The following CDH11 variants were observed in gnomAD, a reference collection of about 807,000 sequenced individuals.
CDH11 encodes the protein cadherin-11.
A neutral mutation model predicts 67.8 loss-of-function variants in CDH11; 11 were observed. The observed-to-expected ratio is 0.16, with a 90% confidence interval of 0.10 to 0.27. CDH11 has a LOEUF of 0.27. Among genes scored for constraint, CDH11 ranks in the 10% least tolerant of loss-of-function variants. CDH11 has a pLI of 1.00. For missense variants in CDH11, 847 were observed against 1,031.2 expected, an observed-to-expected ratio of 0.82 and a Z score of 2.45; for synonymous variants, 419 against 400.0, an observed-to-expected ratio of 1.05 and a Z score of -0.57.
intron 1 of CDH11, among the ~76,000 whole-genome samples, chr16:65,119,467 TAAG>T (rs1413820067): frequency 6.6e-6 from 1 of 152,198 alleles, no homozygotes; most frequent in Non-Finnish European, 1.5e-5. Context: ...GGTGTTCTGA[TAAG>T]AATGCTGAAC....
At chr16:65,005,206 G>A (rs1433573777) in intron 2 of CDH11, among the ~76,000 whole-genome samples, 165 bp from the exon 3 acceptor site, 5 of 152,136 alleles carry the variant, frequency 3.3e-5, no homozygotes, top group Non-Finnish European at 7.3e-5. Flanking sequence ...TTATGAAGTG[G>A]GGATAAGAGT....
At chr16:65,023,030 A>C (rs1233927563) in intron 2 of CDH11, among the ~76,000 whole-genome samples, 2 of 152,200 alleles carry the variant, frequency 1.3e-5, no homozygotes, top group Non-Finnish European at 2.9e-5. Context: ...ATAAGCATGC[A>C]TTTGGGCATT....
At chr16:64,953,858 T>C (rs920437847) in intron 11 of CDH11, among the ~76,000 whole-genome samples, 1 of 152,216 alleles carries the variant, frequency 6.6e-6, no homozygotes, top group African/African-American at 2.4e-5. Context: ...GAAAACTCTT[T>C]GATATGGGTG....
intron 3 of CDH11, among the ~76,000 whole-genome samples, chr16:65,000,347 G>T (rs574304189): frequency 1.3e-4 from 20 of 152,096 alleles, no homozygotes; most frequent in African/African-American, 4.8e-4. Flanking sequence ...CGAGTTCCTT[G>T]GTCCTCATTC....
At chr16:65,046,830 G>A (rs2073969007) in intron 2 of CDH11, among the ~76,000 whole-genome samples, 1 of 152,168 alleles carries the variant, frequency 6.6e-6, no homozygotes, top group African/African-American at 2.4e-5. Flanking sequence ...TAAGGTGGCT[G>A]GGCGCGGTGA....
chr16:65,013,532 T>C (rs76695749), intron 2 of CDH11, among the ~76,000 whole-genome samples: 147 of 152,108 alleles, frequency 9.7e-4, no homozygotes, highest in Middle Eastern at 3.4e-3. Flanking sequence ...CTGTTAAAAA[T>C]GGGAAAAACC....
chr16:65,007,746 C>T (rs2142537715), intron 2 of CDH11, among the ~76,000 whole-genome samples: 1 of 152,284 alleles, frequency 6.6e-6, no homozygotes, highest in African/African-American at 2.4e-5. Flanking sequence ...TTTCAGTGAG[C>T]TAGTGAGGGG....
rs1567506882 is a variant in CDH11, at chr16:64,982,161, G to A, written c.1140C>T (p.Pro380=). 4 of 1,614,052 alleles carry A rather than the reference G, an allele frequency of 2.5e-6. No individual in the cohort carries two copies. The highest frequency in any genetic ancestry group is 1.3e-5 in the African/African-American group (1 of 75,010). Residue 380 remains proline, a synonymous_variant, in exon 8 of 13, where the codon CCC becomes CCT. Transcript: ENST00000268603. ...VKISVEDADE[P]PMFLAPSYIH... Reference sequence around the variant, plus strand: ...TGTAACTTGGGGCCAAGAACATAGGGGGCTCATCAGCATCTTCTACTGAGA... The same window carrying A: ...TGTAACTTGGGGCCAAGAACATAGGAGGCTCATCAGCATCTTCTACTGAGA...
intron 1 of CDH11, among the ~76,000 whole-genome samples, chr16:65,087,137 T>C (rs2074715402): frequency 6.6e-6 from 1 of 152,102 alleles, no homozygotes; most frequent in Non-Finnish European, 1.5e-5. Context: ...TAGTAGGTAA[T>C]CAGAACTATT....
intron 1 of CDH11, among the ~76,000 whole-genome samples, chr16:65,108,684 T>TTA (rs1555529338): frequency 0.032 from 4,807 of 150,346 alleles, 102 homozygotes; most frequent in Non-Finnish European, 0.047. Context: ...AATCAATATT[T>TTA]AAAAAAAAAA....
chr16:65,114,268 A>G (rs2075205708), intron 1 of CDH11, among the ~76,000 whole-genome samples: 1 of 152,250 alleles, frequency 6.6e-6, no homozygotes, highest in Non-Finnish European at 1.5e-5. Flanking sequence ...ATTACAAGTA[A>G]AATTTGAGAT....
intron 8 of CDH11, among the ~76,000 whole-genome samples, chr16:64,973,772 C>G (rs538923861): frequency 2.6e-5 from 4 of 152,036 alleles, no homozygotes; most frequent in African/African-American, 9.6e-5. Context: ...TGCCACTGCA[C>G]TCCAGCGTGG....
At chr16:65,016,283 C>G (rs1464349433) in intron 2 of CDH11, among the ~76,000 whole-genome samples, 2 of 152,080 alleles carry the variant, frequency 1.3e-5, no homozygotes, top group African/African-American at 4.8e-5. Context: ...CTATTTCTTT[C>G]TTTTCAGATG....
intron 2 of CDH11, 42 bp downstream of exon 2, chr16:65,053,762 A>T: frequency 2.2e-6 from 1 of 454,380 alleles, no homozygotes; most frequent in South Asian, 1.6e-5. Context: ...CTTGACATAC[A>T]TAGTAATATG....
At chr16:65,027,519 G>A (rs533349983) in intron 2 of CDH11, among the ~76,000 whole-genome samples, 1 of 152,326 alleles carries the variant, frequency 6.6e-6, no homozygotes, top group South Asian at 2.1e-4. Flanking sequence ...CTTTGTAAAG[G>A]AAAGTCCCTT....
At chr16:65,049,827 C>T (rs941243817) in intron 2 of CDH11, among the ~76,000 whole-genome samples, 4 of 152,126 alleles carry the variant, frequency 2.6e-5, no homozygotes, top group African/African-American at 9.7e-5. Flanking sequence ...CAGACAGACA[C>T]TTGGCCTCCT....
At chr16:65,020,585 C>G (rs1220048035) in intron 2 of CDH11, among the ~76,000 whole-genome samples, 1 of 152,156 alleles carries the variant, frequency 6.6e-6, no homozygotes, top group Non-Finnish European at 1.5e-5. Flanking sequence ...CCTGCCTTGG[C>G]TCTCAAAGTG....
intron 1 of CDH11, among the ~76,000 whole-genome samples, chr16:65,098,202 T>A (rs1385135438): frequency 6.6e-6 from 1 of 152,000 alleles, no homozygotes; most frequent in Non-Finnish European, 1.5e-5. Context: ...AATGAGAGGT[T>A]CAATATTTAC....
At chr16:65,024,368 A>G (rs1035186417) in intron 2 of CDH11, among the ~76,000 whole-genome samples, 2 of 152,100 alleles carry the variant, frequency 1.3e-5, no homozygotes, top group Non-Finnish European at 2.9e-5. Context: ...TTAACCGGGA[A>G]ACCTTAAAAA....
Sources: allele counts gnomAD v4.1 joint callset (sites outside exome capture counted in the v4.1 genomes callset), GRCh38; gene constraint gnomAD v4.1.1; transcripts MANE v1.5; gene names NCBI Gene and HGNC (gene_info 2026-07-23, HGNC 2026-07-21).